Variants in SLC15A1 observed in about 807,000 individuals in gnomAD.
SLC15A1 encodes the protein Caco-2 oligopeptide transporter.
A neutral mutation model predicts 92.9 loss-of-function variants in SLC15A1; 83 were observed. That is an observed-to-expected ratio of 0.89 (90% CI 0.75 to 1.07). SLC15A1 has a LOEUF of 1.07. Ranked by LOEUF, SLC15A1 falls within the 50% of genes least tolerant of loss-of-function variation. SLC15A1 has a pLI of 0.00. For missense variants in SLC15A1, 857 were observed against 880.1 expected (o/e 0.97, Z 0.33); for synonymous variants, 322 against 318.2 (o/e 1.01, Z -0.13).
At chr13:98,707,899 A>ATTT (rs1448963144) in intron 15 of SLC15A1, among the ~76,000 whole-genome samples, 3 of 57,578 alleles carry the variant, frequency 5.2e-5, no homozygotes, top group African/African-American at 7.4e-5. Flanking sequence ...TTTAAAAAAA[A>ATTT]AAAAAAAAAA....
At position 98,704,310 on chromosome 13, in the gene SLC15A1, C is replaced by A. The variant is rs577911700; in HGVS notation, c.1395G>T (p.Trp465Cys). 3 of 1,610,082 alleles carry A rather than the reference C, an allele frequency of 1.9e-6. No homozygotes were observed. The highest frequency in any genetic ancestry group is 4.5e-5 in the East Asian group (2 of 44,652). ...TTACCACCTGGTAGTGATTGGGGGC[C>A]CACACTAGAAGCGTGTGGCGTTGGC... Reference protein sequence around the residue: ...KQGQRHTLLVWAPNHYQVVKD... With the variant: ...KQGQRHTLLVCAPNHYQVVKD... The change falls in exon 17 of 23, where the codon TGG (tryptophan) becomes TGT (cysteine). Residue 465 changes from tryptophan (W) to cysteine (C), a missense_variant. Coordinates refer to ENST00000376503, the MANE Select transcript of SLC15A1 (RefSeq NM_005073.4).
At chr13:98,747,579 A>T (rs1463596663) in intron 1 of SLC15A1, among the ~76,000 whole-genome samples, 2 of 152,140 alleles carry the variant, frequency 1.3e-5, no homozygotes, top group Non-Finnish European at 2.9e-5. Context: ...GTAGAAAAAA[A>T]TTATTAATCA....
intron 15 of SLC15A1, among the ~76,000 whole-genome samples, chr13:98,706,935 G>C (rs2088117614): frequency 6.6e-6 from 1 of 151,814 alleles, no homozygotes. Flanking sequence ...TATCCTTCTT[G>C]TCATGACACC....
Position 98,729,094 on chromosome 13 carries a change from C to T in SLC15A1, c.5-2235G>A, listed in dbSNP as rs558294895. Reference sequence around the variant, plus strand: ...AAGAAATGATCAAGGTTTGAGGTGACGGATATTCCAAATACCCAGATTTGA... The same window carrying T: ...AAGAAATGATCAAGGTTTGAGGTGATGGATATTCCAAATACCCAGATTTGA... On this transcript the variant is annotated intron_variant, in intron 1 of 22. Coordinates refer to ENST00000376503, the MANE Select transcript of SLC15A1 (RefSeq NM_005073.4). Among the ~76,000 whole-genome samples, 469 of 149,472 alleles carry T rather than the reference C, an allele frequency of 3.1e-3. 3 individuals are homozygous for T. Among genetic ancestry groups the T allele is most frequent in the Non-Finnish European group, 4.2e-3 (286 of 67,700 alleles).
In SLC15A1 at chr13:98,688,558, C is replaced by T. The variant is rs762032608; in HGVS notation, c.1486G>A (p.Glu496Lys). Residue 496 changes from glutamate (E) to lysine (K), a missense_variant, in exon 19 of 23, where the codon GAG (glutamate) becomes AAG (lysine). Coordinates refer to ENST00000376503, the MANE Select transcript of SLC15A1 (RefSeq NM_005073.4). ...NGIRFVNTFN[E>K]LITITMSGKV... Reference sequence around the variant, plus strand: ...CCACTCATTGTGATGGTGATGAGCTCGTTAAAAGTATTTACAAATCTGAAA... The same window carrying T: ...CCACTCATTGTGATGGTGATGAGCTTGTTAAAAGTATTTACAAATCTGAAA... The T allele has an allele frequency of 2.2e-5, 35 of 1,613,214 alleles. No individual in the cohort carries two copies. Among genetic ancestry groups the T allele is most frequent in the African/African-American group, 2.7e-5 (2 of 74,858 alleles).
chr13:98,706,214 T>C lies in SLC15A1; in HGVS notation c.1189A>G (p.Ile397Val). 6.2e-7 allele frequency: 1 copy of C among 1,613,652 alleles called. No homozygotes were observed. The highest frequency in any genetic ancestry group is 8.5e-7 in the Non-Finnish European group (1 of 1,179,842). ...TTGTTTCCTATATTCAAAACTTTAA[T>C]TTGGACTTCGTTTCCTTTGGGGAAG... ...PVFPKGNEVQ[I>V]KVLNIGNNTM... The change falls in exon 16 of 23, where the codon ATT (isoleucine) becomes GTT (valine). Residue 397 changes from isoleucine (I) to valine (V), a missense_variant. Transcript: ENST00000376503.
chr13:98,717,879 C>A (rs2088223211), intron 8 of SLC15A1, among the ~76,000 whole-genome samples: 2 of 152,142 alleles, frequency 1.3e-5, no homozygotes, highest in Admixed American at 1.3e-4. Flanking sequence ...GGCCGCTGGG[C>A]TGTTTTCTTT....
At chr13:98,710,128 G>C (rs1240788017) in intron 11 of SLC15A1, among the ~76,000 whole-genome samples, 1 of 152,178 alleles carries the variant, frequency 6.6e-6, no homozygotes, top group Admixed American at 6.5e-5. Flanking sequence ...AATACGGAGT[G>C]CTCCAACCCC....
intron 22 of SLC15A1, 83 bp from the exon 23 acceptor site, chr13:98,684,998 C>T: frequency 8.3e-7 from 1 of 1,207,154 alleles, no homozygotes; most frequent in South Asian, 1.4e-5. Flanking sequence ...CGTACATGTT[C>T]TTGCTACATG....
intron 17 of SLC15A1, 25 bp downstream of exon 17, chr13:98,704,264 C>A: frequency 6.5e-7 from 1 of 1,542,892 alleles, no homozygotes; most frequent in South Asian, 1.3e-5. Flanking sequence ...AGCAAAGAGT[C>A]AGCTGTAGGT....
intron 1 of SLC15A1, among the ~76,000 whole-genome samples, chr13:98,730,504 A>G (rs2088341796): frequency 6.6e-6 from 1 of 152,174 alleles, no homozygotes; most frequent in Non-Finnish European, 1.5e-5. Flanking sequence ...AGCGAGGGCC[A>G]TGGAGTCAGC....
chr13:98,730,216 G>GAGGGGAAGGGA (rs758457434), intron 1 of SLC15A1, among the ~76,000 whole-genome samples: 2 of 75,478 alleles, frequency 2.6e-5, no homozygotes, highest in Non-Finnish European at 5.1e-5. Flanking sequence ...AAAAGGAAGG[G>GAGGGGAAGGGA]AGGGGAAGGG....
intron 1 of SLC15A1, among the ~76,000 whole-genome samples, chr13:98,737,866 C>T (rs1226330053): frequency 6.6e-6 from 1 of 152,156 alleles, no homozygotes; most frequent in Non-Finnish European, 1.5e-5. Context: ...AAGTTTGGAA[C>T]TTCTTAGAAA....
chr13:98,747,932 C>G (rs2088508110), intron 1 of SLC15A1, among the ~76,000 whole-genome samples: 1 of 152,174 alleles, frequency 6.6e-6, no homozygotes, highest in African/African-American at 2.4e-5. Context: ...ATGGAATAAT[C>G]TTACTCAGGA....
intron 1 of SLC15A1, among the ~76,000 whole-genome samples, chr13:98,749,593 C>T (rs1191792960): frequency 3.9e-5 from 6 of 152,156 alleles, no homozygotes; most frequent in Non-Finnish European, 5.9e-5. Flanking sequence ...TTCTTACTGA[C>T]GCTTCTTCCC....
At chr13:98,707,404 C>A (rs2088120931) in intron 15 of SLC15A1, among the ~76,000 whole-genome samples, 1 of 152,100 alleles carries the variant, frequency 6.6e-6, no homozygotes, top group African/African-American at 2.4e-5. Flanking sequence ...CACAAAAGGA[C>A]AAATACCATA....
rs8187819 is a variant in SLC15A1, at chr13:98,726,489, C to T, written c.22-40G>A. On this transcript the variant is annotated intron_variant, in intron 2 of 22. Transcript: ENST00000376503. ...ACAAGCACAGGATTGAAATACACCC[C>T]CCACTGGTCCATAGCCACAAAGGAG... 211 of 1,571,088 alleles carry T rather than the reference C, an allele frequency of 1.3e-4. 1 individual carries two copies. The Admixed American group carries it at 1.7e-3, about 13-fold the overall frequency.
chr13:98,697,054 T>C (rs1046251029), intron 18 of SLC15A1, among the ~76,000 whole-genome samples: 1 of 152,014 alleles, frequency 6.6e-6, no homozygotes, highest in African/African-American at 2.4e-5. Flanking sequence ...AATTAATTTC[T>C]TTTCTTTTTT....
At chr13:98,728,329 A>G (rs2088319310) in intron 1 of SLC15A1, among the ~76,000 whole-genome samples, 1 of 151,918 alleles carries the variant, frequency 6.6e-6, no homozygotes, top group Non-Finnish European at 1.5e-5. Context: ...TGGCTTTTCG[A>G]GGCCTTTTGT....
Sources: gnomAD v4.1 joint callset for allele counts (sites outside exome capture counted in the v4.1 genomes callset) on GRCh38, gnomAD v4.1.1 for gene constraint, MANE v1.5 for transcripts, NCBI Gene and HGNC (gene_info 2026-07-23, HGNC 2026-07-21) for gene names.